The following C5orf24 variants were observed in gnomAD, a reference collection of about 807,000 sequenced individuals.
C5orf24 encodes the protein UPF0461 protein C5orf24.
Under a neutral mutation model 9.8 loss-of-function variants are expected in C5orf24, and 4 were observed. The ratio of observed to expected loss-of-function variants is 0.41; its 90% CI spans 0.20 to 0.93. C5orf24 has a LOEUF of 0.93. Among genes scored for constraint, C5orf24 ranks in the 40% least tolerant of loss-of-function variants. The pLI is 0.33. For missense variants in C5orf24, 170 were observed against 236.9 expected (o/e 0.72, Z 1.85); for synonymous variants, 73 against 81.3 (o/e 0.90, Z 0.55).
Position 134,857,251 on chromosome 5 carries a change from T to C in C5orf24, c.*1784T>C. The stretch of plus-strand genomic sequence containing the variant: ...TAGAATTGCAGGACCCAAAAACTTT[T>C]AAAATAATTAAAATTTTAAAAGAGC... On this transcript the variant is annotated 3_prime_UTR_variant, in exon 2 of 2. Transcript: ENST00000394976. The C allele has an allele frequency of 7.4e-7, 1 of 1,359,572 alleles. No individual in the cohort carries two copies. The highest frequency in any genetic ancestry group is 9.6e-7 in the Non-Finnish European group (1 of 1,043,588). The allele number at this position is 1,359,572 out of a possible 1,614,324, so 84.2% of individuals were successfully genotyped here.
At chr5:134,847,267 A>C (rs1756021524) in intron 1 of C5orf24, among the ~76,000 whole-genome samples, 1 of 152,164 alleles carries the variant, frequency 6.6e-6, no homozygotes. Context: ...ACTCCTGTAC[A>C]TTCAGGGAAC....
At chr5:134,852,617 C>T (rs988304367) in intron 1 of C5orf24, among the ~76,000 whole-genome samples, 3 of 152,204 alleles carry the variant, frequency 2.0e-5, no homozygotes, top group Non-Finnish European at 4.4e-5. Context: ...AGGGTGCACA[C>T]AAATATCTCC....
chr5:134,840,796 A>G (rs1196367386), upstream of C5orf24, among the ~76,000 whole-genome samples: 1 of 151,976 alleles, frequency 6.6e-6, no homozygotes, highest in African/African-American at 2.4e-5. Context: ...TCGGCCTCCC[A>G]AAGTGCTGGG....
At chr5:134,834,917 G>C in the C5orf24 span, among the ~76,000 whole-genome samples, 2 of 152,098 alleles carry the variant, frequency 1.3e-5, no homozygotes, top group Admixed American at 6.5e-5. Flanking sequence ...AGTGGCATGT[G>C]CCTGTAGTCC....
At chr5:134,850,110 G>A (rs1243694076) in intron 1 of C5orf24, among the ~76,000 whole-genome samples, 1 of 152,090 alleles carries the variant, frequency 6.6e-6, no homozygotes, top group African/African-American at 2.4e-5. Context: ...CATAAATTCT[G>A]GACAATATTG....
upstream of C5orf24, among the ~76,000 whole-genome samples, chr5:134,845,185 TTTC>T (rs1176409551): frequency 5.3e-5 from 8 of 152,202 alleles, no homozygotes; most frequent in African/African-American, 1.7e-4. Context: ...TTTCTCCTCC[TTTC>T]TTTCCTACTG....
rs1756331227 is a variant in C5orf24, at chr5:134,856,979, T to TC, written c.*1517dup. 9.9e-7 allele frequency: 1 copy of TC among 1,006,204 alleles called. No homozygotes were observed. The highest frequency in any genetic ancestry group is 1.2e-6 in the Non-Finnish European group (1 of 834,164). The allele number at this position is 1,006,204 out of a possible 1,614,324, so 62.3% of individuals were successfully genotyped here. A position where few individuals can be genotyped will look rare whatever the true frequency, so the allele number is the denominator to read the frequency against. On this transcript the variant is annotated 3_prime_UTR_variant, in exon 2 of 2. Coordinates refer to ENST00000394976, the MANE Select transcript of C5orf24 (RefSeq NM_001135586.1). ...ACCATCTCATCCAAAAGATTTTTTT[T>TC]CCCCCAATGATGTTTGCTTTAGAAG...
intron 1 of C5orf24, among the ~76,000 whole-genome samples, chr5:134,852,282 T>G (rs879523747): frequency 2.6e-5 from 4 of 152,168 alleles, no homozygotes; most frequent in African/African-American, 4.8e-5. Flanking sequence ...GTGAAAAAAT[T>G]ATTCCACTTA....
At chr5:134,845,004 G>A (rs1398536076), upstream of C5orf24, among the ~76,000 whole-genome samples, 1 of 152,208 alleles carries the variant, frequency 6.6e-6, no homozygotes, top group Admixed American at 6.5e-5. Flanking sequence ...CCAAAGTGCT[G>A]GGATTACAGG....
intron 1 of C5orf24, among the ~76,000 whole-genome samples, chr5:134,850,937 T>C (rs115556933): frequency 0.057 from 8,336 of 147,010 alleles, 254 homozygotes; most frequent in Middle Eastern, 0.085. Context: ...TATATATATA[T>C]ACACACACAC....
the C5orf24 span, among the ~76,000 whole-genome samples, chr5:134,834,629 G>T: frequency 6.6e-6 from 1 of 152,136 alleles, no homozygotes; most frequent in Non-Finnish European, 1.5e-5. Context: ...CTGAAAATGT[G>T]TCTGGGGTCA....
chr5:134,848,365 A>G (rs1006809738), intron 1 of C5orf24, among the ~76,000 whole-genome samples: 40 of 149,942 alleles, frequency 2.7e-4, no homozygotes, highest in Non-Finnish European at 5.0e-4. Context: ...TTTCAATGAA[A>G]GGGTCTTTCC....
chr5:134,834,319 T>A, the C5orf24 span, among the ~76,000 whole-genome samples: 1 of 152,136 alleles, frequency 6.6e-6, no homozygotes, highest in Non-Finnish European at 1.5e-5. Flanking sequence ...GCTTTGGATG[T>A]TAGAGTGTCC....
rs1329916385 is a variant in C5orf24 at position 134,856,002 on chromosome 5, CTTATTT to C, written c.*539_*544del. On this transcript the variant is annotated 3_prime_UTR_variant, in exon 2 of 2. Transcript: ENST00000394976. ...TACATCCACTTCAAATGTTAAAAAA[CTTATTT>C]TTAATGTTTTAGGTTTAAGCAGCTT... 4.0e-6 allele frequency: 4 copies of C among 1,001,928 alleles called. No homozygotes were observed. The highest frequency in any genetic ancestry group is 1.7e-5 in the African/African-American group (1 of 57,232). The allele number at this position is 1,001,928 out of a possible 1,614,324, so 62.1% of individuals were successfully genotyped here.
rs1756341113 is a variant in C5orf24 at position 134,857,341 on chromosome 5, A to G, written c.*1874A>G. On this transcript the variant is annotated 3_prime_UTR_variant, in exon 2 of 2. Coordinates refer to ENST00000394976, the MANE Select transcript of C5orf24 (RefSeq NM_001135586.1). ...TGATTGCAAATGGATGTCATGTTTC[A>G]TACCTTTTTTATCAGGAAAAAAGCA... is the stretch of plus-strand genomic sequence containing the variant. The G allele has an allele frequency of 6.5e-7, 1 of 1,546,346 alleles. No homozygotes were observed. Among genetic ancestry groups the G allele is most frequent in the African/African-American group, 1.4e-5 (1 of 73,000 alleles).
rs1460825766 is a variant in C5orf24, at chr5:134,858,103, T to G, written c.*2636T>G. 3.0e-5 allele frequency: 5 copies of G among 167,082 alleles called. No individual in the cohort carries two copies. Among genetic ancestry groups the G allele is most frequent in the South Asian group, 2.1e-4 (1 of 4,832 alleles). The allele number at this position is 167,082 out of a possible 1,614,324, so 10.3% of individuals were successfully genotyped here. A position where few individuals can be genotyped will look rare whatever the true frequency, so the allele number is the denominator to read the frequency against. On this transcript the variant is annotated 3_prime_UTR_variant, in exon 2 of 2. Coordinates refer to ENST00000394976, the MANE Select transcript of C5orf24 (RefSeq NM_001135586.1). Reference sequence around the variant, plus strand: ...GGCATGTTCATAACAGTGTTTATTATCAGCAGCTATGTCCCAGGAAAAAAA... The same window carrying G: ...GGCATGTTCATAACAGTGTTTATTAGCAGCAGCTATGTCCCAGGAAAAAAA...
At chr5:134,849,647 CTTTTTTT>C (rs35375521) in intron 1 of C5orf24, among the ~76,000 whole-genome samples, 9 of 76,966 alleles carry the variant, frequency 1.2e-4, no homozygotes, top group Non-Finnish European at 1.5e-4. Flanking sequence ...AAGTCAGTGT[CTTTTTTT>C]TTTTTTTTTT....
In C5orf24 at chr5:134,856,501, C is replaced by T. The variant is rs563481261; in HGVS notation, c.*1034C>T. ...ACTAAAAATATAAAAATTAGCCAGGCGTGGTGGCGGGCGCCTGTAATCCAA... is the reference window on the plus strand; with the variant it reads ...ACTAAAAATATAAAAATTAGCCAGGTGTGGTGGCGGGCGCCTGTAATCCAA... On this transcript the variant is annotated 3_prime_UTR_variant, in exon 2 of 2. Coordinates refer to ENST00000394976, the MANE Select transcript of C5orf24 (RefSeq NM_001135586.1). 20 of 297,988 alleles carry T rather than the reference C, an allele frequency of 6.7e-5. No individual in the cohort carries two copies. The highest frequency in any genetic ancestry group is 3.9e-4 in the Admixed American group (6 of 15,354). 18.5% of individuals were successfully genotyped at this position (297,988 alleles called of 1,614,324 possible).
chr5:134,837,166 T>C, the C5orf24 span, among the ~76,000 whole-genome samples: 1 of 151,348 alleles, frequency 6.6e-6, no homozygotes, highest in Non-Finnish European at 1.5e-5. Flanking sequence ...AGAGATGGGG[T>C]CTCTCCATGT....
Sources: allele counts gnomAD v4.1 joint callset (sites outside exome capture counted in the v4.1 genomes callset), GRCh38; gene constraint gnomAD v4.1.1; transcripts MANE v1.5; gene names NCBI Gene and HGNC (gene_info 2026-07-23, HGNC 2026-07-21).